PLCB4: variants seen among roughly 807,000 people sequenced by gnomAD.
The protein encoded by PLCB4 is phospholipase C beta 4.
Under a neutral mutation model 178.8 loss-of-function variants are expected in PLCB4, and 77 were observed. The ratio of observed to expected loss-of-function variants is 0.43; its 90% CI spans 0.36 to 0.52. PLCB4 has a LOEUF of 0.52. Ranked by LOEUF, PLCB4 falls within the 20% of genes least tolerant of loss-of-function variation. The pLI is 0.00. For synonymous variants in PLCB4, 496 were observed against 490.8 expected, an observed-to-expected ratio of 1.01 and a Z score of -0.14; for missense variants, 1,024 against 1,453.4, an observed-to-expected ratio of 0.70 and a Z score of 4.80.
intron 3 of PLCB4, among the ~76,000 whole-genome samples, chr20:9,231,203 C>T (rs2093927967): frequency 1.3e-5 from 2 of 152,090 alleles, no homozygotes; most frequent in Admixed American, 1.3e-4. Context: ...TGATAGTTTC[C>T]ATTTTCAGAA....
At chr20:9,184,169 C>T (rs186937313) in intron 2 of PLCB4, among the ~76,000 whole-genome samples, 1 of 152,180 alleles carries the variant, frequency 6.6e-6, no homozygotes, top group Non-Finnish European at 1.5e-5. Flanking sequence ...ACCCCCACCA[C>T]CTTCTGCAAT....
At chr20:9,254,803 G>C (rs1019556174) in intron 3 of PLCB4, among the ~76,000 whole-genome samples, 3 of 152,154 alleles carry the variant, frequency 2.0e-5, no homozygotes, top group Admixed American at 6.5e-5. Context: ...GAAATGTGGG[G>C]ATGTTTATTG....
chr20:9,149,365 T>C (rs994200), intron 2 of PLCB4, among the ~76,000 whole-genome samples: 135,279 of 152,212 alleles, frequency 0.89, 60,477 homozygotes, highest in East Asian at 1. Flanking sequence ...TCTGGGCTGC[T>C]TCACTGTCCC....
At chr20:9,281,426 A>G (rs1014168647) in intron 3 of PLCB4, among the ~76,000 whole-genome samples, 1 of 152,050 alleles carries the variant, frequency 6.6e-6, no homozygotes, top group Non-Finnish European at 1.5e-5. Flanking sequence ...ACAATGAGCC[A>G]GGTCTGTAGG....
At chr20:9,184,133 G>A (rs181869085) in intron 2 of PLCB4, among the ~76,000 whole-genome samples, 5 of 152,242 alleles carry the variant, frequency 3.3e-5, no homozygotes, top group African/African-American at 1.2e-4. Context: ...AAGGTAGAAG[G>A]CATCCTATTT....
intron 2 of PLCB4, among the ~76,000 whole-genome samples, chr20:9,159,438 T>A (rs1445327649): frequency 5.9e-5 from 9 of 152,208 alleles, no homozygotes; most frequent in African/African-American, 1.4e-4. Flanking sequence ...TGTCTTTTCA[T>A]CTTTGAGTTT....
chr20:9,238,532 C>T (rs905336545), intron 3 of PLCB4, among the ~76,000 whole-genome samples: 7 of 152,168 alleles, frequency 4.6e-5, no homozygotes, highest in South Asian at 2.1e-4. Context: ...TCTGATATCA[C>T]GCTGTCACCA....
intron 25 of PLCB4, among the ~76,000 whole-genome samples, chr20:9,412,226 C>T (rs1308542726): frequency 3.9e-5 from 6 of 152,164 alleles, no homozygotes; most frequent in African/African-American, 1.2e-4. Context: ...TGTTCCAACC[C>T]AGGAGATTTT....
intron 2 of PLCB4, among the ~76,000 whole-genome samples, chr20:9,108,809 G>C (rs2091464855): frequency 6.6e-6 from 1 of 151,436 alleles, no homozygotes; most frequent in Non-Finnish European, 1.5e-5. Flanking sequence ...CCCAAACTTG[G>C]AATAACATGG....
intron 3 of PLCB4, among the ~76,000 whole-genome samples, chr20:9,232,416 CTTTAG>C (rs1354684227): frequency 6.6e-6 from 1 of 152,002 alleles, no homozygotes; most frequent in Non-Finnish European, 1.5e-5. Context: ...TTTGATCTAC[CTTTAG>C]TTTAGGGATT....
intron 2 of PLCB4, among the ~76,000 whole-genome samples, chr20:9,137,174 C>G (rs1244748856): frequency 6.6e-6 from 1 of 152,078 alleles, no homozygotes; most frequent in Non-Finnish European, 1.5e-5. Flanking sequence ...CATGGTTTCC[C>G]TAATCCCTGC....
intron 2 of PLCB4, among the ~76,000 whole-genome samples, chr20:9,143,474 C>A (rs1199818434): frequency 6.6e-6 from 1 of 152,016 alleles, no homozygotes; most frequent in African/African-American, 2.4e-5. Flanking sequence ...GCAAATAGAA[C>A]CTGAAATATA....
At chr20:9,366,185 A>G (rs2035765096) in intron 9 of PLCB4, among the ~76,000 whole-genome samples, 1 of 147,462 alleles carries the variant, frequency 6.8e-6, no homozygotes, top group African/African-American at 2.5e-5. Flanking sequence ...TCAGGAGATC[A>G]ACACCATCCC....
intron 2 of PLCB4, among the ~76,000 whole-genome samples, chr20:9,197,414 A>G (rs1482951670): frequency 6.6e-6 from 1 of 152,368 alleles, no homozygotes; most frequent in East Asian, 1.9e-4. Flanking sequence ...AAGACTTAGT[A>G]TGAAAAAATA....
intron 2 of PLCB4, among the ~76,000 whole-genome samples, chr20:9,187,483 T>C (rs937802948): frequency 6.6e-6 from 1 of 152,212 alleles, no homozygotes; most frequent in Non-Finnish European, 1.5e-5. Flanking sequence ...GACATAACTA[T>C]GTAAACTTCC....
chr20:9,461,046 T>C lies in PLCB4; in HGVS notation c.3248+1236T>C, dbSNP rs1008562041. On this transcript the variant is annotated intron_variant, in intron 35 of 39. Transcript: ENST00000378473. Reference sequence around the variant, plus strand: ...TGTTCATCATTCTGCCTTTGATGATTGCTACAATGCCAGATTTTAGGTGCC... The same window carrying C: ...TGTTCATCATTCTGCCTTTGATGATCGCTACAATGCCAGATTTTAGGTGCC... Among the ~76,000 whole-genome samples, 13 of 152,358 alleles carry C rather than the reference T, an allele frequency of 8.5e-5. No homozygotes were observed. In the East Asian group the frequency reaches 2.5e-3, roughly 29 times the overall value.
chr20:9,265,976 C>A (rs192209527), intron 3 of PLCB4, among the ~76,000 whole-genome samples: 160 of 152,190 alleles, frequency 1.1e-3, no homozygotes, highest in African/African-American at 3.6e-3. Flanking sequence ...TTGAGGAGCA[C>A]GCCTCTAAAA....
chr20:9,364,546 G>A (rs62194820), intron 8 of PLCB4, among the ~76,000 whole-genome samples: 2,991 of 152,278 alleles, frequency 0.02, 31 homozygotes, highest in Non-Finnish European at 0.023. Context: ...CCCTCTTGCC[G>A]CCAAGTCTGG....
intron 30 of PLCB4, among the ~76,000 whole-genome samples, chr20:9,442,743 C>T (rs1050342808): frequency 1.3e-5 from 2 of 152,104 alleles, no homozygotes; most frequent in African/African-American, 4.8e-5. Flanking sequence ...CTTGTGAAAG[C>T]CAACTTAGGA....
Sources: allele counts gnomAD v4.1 joint callset (sites outside exome capture counted in the v4.1 genomes callset), GRCh38; gene constraint gnomAD v4.1.1; transcripts MANE v1.5; gene names NCBI Gene and HGNC (gene_info 2026-07-23, HGNC 2026-07-21).